Variants in EXOG observed in about 807,000 individuals in gnomAD.
EXOG encodes nuclease EXOG, mitochondrial.
EXOG carries 27 observed loss-of-function variants against 25.8 expected under a neutral mutation model. The observed-to-expected ratio is 1.05, with a 90% CI of 0.77 to 1.45. The LOEUF is 1.45. Ranked by LOEUF, EXOG falls within the 40% of genes most tolerant of loss-of-function variation. The pLI is 0.00. For missense variants in EXOG, 458 were observed against 450.5 expected (o/e 1.02, Z -0.15); for synonymous variants, 133 against 167.0 (o/e 0.80, Z 1.57).
At chr3:38,501,841 G>T (rs1387951476) in intron 3 of EXOG, among the ~76,000 whole-genome samples, 1 of 152,170 alleles carries the variant, frequency 6.6e-6, no homozygotes, top group African/African-American at 2.4e-5. Context: ...TGCCTCCCAG[G>T]TTCAAGCAAT....
chr3:38,501,636 C>G, intron 3 of EXOG, 142 bp downstream of exon 3: 2 of 684,594 alleles, frequency 2.9e-6, no homozygotes, highest in Non-Finnish European at 2.4e-6. Flanking sequence ...CAATATGTCT[C>G]TTCTTTCAAT....
intron 2 of EXOG, chr3:38,498,926 G>T (rs903095969): frequency 2.2e-6 from 1 of 456,540 alleles, no homozygotes; most frequent in Admixed American, 2.3e-5. Context: ...TGGTTTCTAG[G>T]TAGATTCTTC....
At chr3:38,520,729 T>C (rs2060690613) in intron 5 of EXOG, among the ~76,000 whole-genome samples, 1 of 152,222 alleles carries the variant, frequency 6.6e-6, no homozygotes, top group Non-Finnish European at 1.5e-5. Flanking sequence ...TTAACTAACA[T>C]GTCATTGTAT....
In EXOG at chr3:38,515,500, A is replaced by G. The variant is rs2060512798; in HGVS notation, c.646-8401A>G. 2.3e-5 allele frequency: 4 copies of G among 173,236 alleles called. No individual in the cohort carries two copies. The South Asian group carries it at 6.1e-4, about 27-fold the overall frequency. 10.7% of individuals were successfully genotyped at this position (173,236 alleles called of 1,614,324 possible). A position where few individuals can be genotyped will look rare whatever the true frequency, so the allele number is the denominator to read the frequency against. The stretch of plus-strand genomic sequence containing the variant: ...AGTCTGCCAGGGCTCCAGGGGGGAA[A>G]AGTGGAAAATTATCTGGTCCTGGCC... On this transcript the variant is annotated intron_variant, in intron 5 of 5. Coordinates refer to ENST00000287675, the MANE Select transcript of EXOG (RefSeq NM_005107.4).
intron 5 of EXOG, 41 bp downstream of exon 5, chr3:38,507,009 G>T: frequency 1.2e-6 from 1 of 831,168 alleles, no homozygotes; most frequent in Non-Finnish European, 2.0e-6. Context: ...ATCTGTATGA[G>T]ATTATAATCT....
In EXOG at chr3:38,497,055, A is replaced by T. The variant is rs75830435; in HGVS notation, c.163+525A>T. On this transcript the variant is annotated intron_variant, in intron 1 of 5. Transcript: ENST00000287675. ...CAAAGTGTATAAAAACTCATGTTGC[A>T]ATGGGTACCTTATATTTGACAAAAA... is the stretch of plus-strand genomic sequence containing the variant. 4.3e-4 allele frequency: 421 copies of T among 987,310 alleles called. 3 individuals are homozygous for T. The East Asian group carries it at 0.043, about 100-fold the overall frequency. 61.2% of individuals were successfully genotyped at this position (987,310 alleles called of 1,614,324 possible). A position where few individuals can be genotyped will look rare whatever the true frequency, so the allele number is the denominator to read the frequency against.
Position 38,526,022 on chromosome 3 carries a change from C to T in EXOG, c.*1660C>T, listed in dbSNP as rs2060861122. ...ATTTGCTTCCTGTGTGCCTGCTTGTCTACCTAGCATAGTAGGCCAAAGGTC... is the reference window on the plus strand; with the variant it reads ...ATTTGCTTCCTGTGTGCCTGCTTGTTTACCTAGCATAGTAGGCCAAAGGTC... On this transcript the variant is annotated 3_prime_UTR_variant, in exon 6 of 6. Coordinates refer to ENST00000287675, the MANE Select transcript of EXOG (RefSeq NM_005107.4). The T allele has an allele frequency of 2.0e-6, 2 of 985,300 alleles. No homozygotes were observed. The highest frequency in any genetic ancestry group is 6.1e-5 in the Admixed American group (1 of 16,272). 61.0% of individuals were successfully genotyped at this position (985,300 alleles called of 1,614,324 possible).
At chr3:38,518,231 T>C (rs1476616299) in intron 5 of EXOG, among the ~76,000 whole-genome samples, 1 of 152,152 alleles carries the variant, frequency 6.6e-6, no homozygotes, top group Non-Finnish European at 1.5e-5. Context: ...AGAGCGTTCA[T>C]GTAGGGAAGG....
Position 38,524,507 on chromosome 3 carries a change from G to A in EXOG, c.*145G>A. On this transcript the variant is annotated 3_prime_UTR_variant, in exon 6 of 6. Transcript: ENST00000287675. ...GTCTCGCCGTGTCATCCAGGCTGGA[G>A]TGCAGTGGTGGAATCATAGCTCACT... The A allele has an allele frequency of 1.5e-6, 2 of 1,373,910 alleles. No individual in the cohort carries two copies. Among genetic ancestry groups the A allele is most frequent in the Non-Finnish European group, 1.9e-6 (2 of 1,048,746 alleles). 85.1% of individuals were successfully genotyped at this position (1,373,910 alleles called of 1,614,324 possible). A position where few individuals can be genotyped will look rare whatever the true frequency, so the allele number is the denominator to read the frequency against.
intron 4 of EXOG, among the ~76,000 whole-genome samples, chr3:38,504,572 AT>A (rs1279030139): frequency 6.6e-6 from 1 of 151,804 alleles, no homozygotes; most frequent in Non-Finnish European, 1.5e-5. Context: ...AGTAGCTGGG[AT>A]TATAGGCACA....
At chr3:38,516,338 G>A (rs549915528) in intron 5 of EXOG, among the ~76,000 whole-genome samples, 65 of 152,026 alleles carry the variant, frequency 4.3e-4, no homozygotes, top group African/African-American at 1.5e-3. Flanking sequence ...ATTTGTTTTT[G>A]TCTTTGCTTT....
At position 38,501,353 on chromosome 3, in the gene EXOG, A is replaced by G. The variant is rs1376322185; in HGVS notation, c.314-2A>G. The G allele has an allele frequency of 6.8e-6, 11 of 1,612,686 alleles. No individual in the cohort carries two copies. Among genetic ancestry groups the G allele is most frequent in the Non-Finnish European group, 9.3e-6 (11 of 1,178,864 alleles). ...ATATCCATTTTGTGTGTTTTTCTTC[A>G]GGTGATGCAGACAGAAAGCATTGTA... is the stretch of plus-strand genomic sequence containing the variant. On this transcript the variant is annotated splice_acceptor_variant, in intron 2 of 5. Transcript: ENST00000287675. LOFTEE classifies it high-confidence loss of function.
chr3:38,524,574 G>A lies in EXOG; in HGVS notation c.*212G>A. The A allele has an allele frequency of 1.6e-6, 2 of 1,247,218 alleles. No individual in the cohort carries two copies. The highest frequency in any genetic ancestry group is 2.0e-6 in the Non-Finnish European group (2 of 981,900). 77.3% of individuals were successfully genotyped at this position (1,247,218 alleles called of 1,614,324 possible). A position where few individuals can be genotyped will look rare whatever the true frequency, so the allele number is the denominator to read the frequency against. Reference sequence around the variant, plus strand: ...GGGCTTAAGCAATCCTCCTGCCTCTGCCCCCTGAGCAGCTGGGACTACAGG... The same window carrying A: ...GGGCTTAAGCAATCCTCCTGCCTCTACCCCCTGAGCAGCTGGGACTACAGG... On this transcript the variant is annotated 3_prime_UTR_variant, in exon 6 of 6. Coordinates refer to ENST00000287675, the MANE Select transcript of EXOG (RefSeq NM_005107.4).
At position 38,525,263 on chromosome 3, in the gene EXOG, A is replaced by T; in HGVS notation, c.*901A>T. ...CACTTTTCCAAAGTAGTCATCCACA[A>T]AGTATGAGGCAGACAGATCTAAGAG... On this transcript the variant is annotated 3_prime_UTR_variant, in exon 6 of 6. Coordinates refer to ENST00000287675, the MANE Select transcript of EXOG (RefSeq NM_005107.4). 3.0e-6 allele frequency: 3 copies of T among 985,280 alleles called. No individual in the cohort carries two copies. Among genetic ancestry groups the T allele is most frequent in the Non-Finnish European group, 3.6e-6 (3 of 829,796 alleles). 61.0% of individuals were successfully genotyped at this position (985,280 alleles called of 1,614,324 possible).
intron 5 of EXOG, among the ~76,000 whole-genome samples, chr3:38,508,175 G>A (rs1050851477): frequency 6.6e-6 from 1 of 152,072 alleles, no homozygotes; most frequent in African/African-American, 2.4e-5. Context: ...CCAGATTACA[G>A]TGTTACAGTG....
chr3:38,511,746 A>C (rs1056941324), intron 5 of EXOG, among the ~76,000 whole-genome samples: 2 of 152,194 alleles, frequency 1.3e-5, no homozygotes, highest in Admixed American at 1.3e-4. Flanking sequence ...CTTTGCTTTG[A>C]TACTTACTTG....
intron 5 of EXOG, among the ~76,000 whole-genome samples, chr3:38,509,361 G>A (rs1016135832): frequency 1.3e-5 from 2 of 152,118 alleles, no homozygotes; most frequent in Admixed American, 6.5e-5. Flanking sequence ...ATAGATTTTT[G>A]TGTGGCTATT....
intron 3 of EXOG, among the ~76,000 whole-genome samples, chr3:38,501,748 A>G (rs993949948): frequency 1.3e-5 from 2 of 151,988 alleles, no homozygotes; most frequent in African/African-American, 4.8e-5. Flanking sequence ...ACTTTTATTT[A>G]TTTATTTTTT....
chr3:38,520,219 A>T (rs1057059052), intron 5 of EXOG, among the ~76,000 whole-genome samples: 7 of 152,006 alleles, frequency 4.6e-5, no homozygotes, highest in Non-Finnish European at 7.4e-5. Context: ...GTGGTGGCAA[A>T]TTGTCATTTC....
Sources: allele counts gnomAD v4.1 joint callset (sites outside exome capture counted in the v4.1 genomes callset), GRCh38; gene constraint gnomAD v4.1.1; transcripts MANE v1.5; gene names NCBI Gene and HGNC (gene_info 2026-07-23, HGNC 2026-07-21).